ITGB5: variants seen among roughly 807,000 people sequenced by gnomAD.
ITGB5 encodes the protein integrin beta-5.
In ITGB5, 38 loss-of-function variants were observed where a neutral mutation model predicts 84.8. The ratio of observed to expected loss-of-function variants is 0.45; its 90% CI spans 0.35 to 0.59. The LOEUF (loss-of-function observed/expected upper bound fraction) is 0.59, where lower values mean the gene tolerates loss of function less well. Among genes scored for constraint, ITGB5 ranks in the 20% least tolerant of loss-of-function variants. ITGB5 has a pLI of 0.01. For synonymous variants in ITGB5, 393 were observed against 414.4 expected (o/e 0.95, Z 0.63); for missense variants, 905 against 1,034.5 (o/e 0.87, Z 1.72).
At chr3:124,778,987 T>C (rs545329562) in intron 10 of ITGB5, among the ~76,000 whole-genome samples, 1 of 152,280 alleles carries the variant, frequency 6.6e-6, no homozygotes, top group African/African-American at 2.4e-5. Flanking sequence ...GTCCCTAAAC[T>C]TCTCTGATGA....
At chr3:124,891,593 C>CAA (rs59385283), upstream of ITGB5, among the ~76,000 whole-genome samples, 11,976 of 103,514 alleles carry the variant, frequency 0.12, 972 homozygotes, top group African/African-American at 0.22. Context: ...ATAACTGCCT[C>CAA]AAAAAAAAAA....
rs1434201583 is a variant in ITGB5, at chr3:124,885,028, T to C, written c.70+1903A>G. ...GCTCATGCCTGTAATTGAAGCACTT[T>C]GGGAGGCCAAGGCAGTTAGATCACC... On this transcript the variant is annotated intron_variant, in intron 1 of 14. Coordinates refer to ENST00000296181, the MANE Select transcript of ITGB5 (RefSeq NM_002213.5). Among the ~76,000 whole-genome samples the C allele has an allele frequency of 2.0e-5, 3 of 152,342 alleles. No individual in the cohort carries two copies. The East Asian group carries it at 5.8e-4, about 29-fold the overall frequency.
At chr3:124,774,137 C>T (rs2063889179) in intron 10 of ITGB5, among the ~76,000 whole-genome samples, 1 of 152,198 alleles carries the variant, frequency 6.6e-6, no homozygotes, top group African/African-American at 2.4e-5. Flanking sequence ...ACTGGTGCTC[C>T]AAGTTGGTCC....
intron 3 of ITGB5, among the ~76,000 whole-genome samples, chr3:124,858,064 G>A (rs927717200): frequency 1.3e-5 from 2 of 151,172 alleles, no homozygotes; most frequent in Non-Finnish European, 1.5e-5. Context: ...AACCCGGGAG[G>A]TGAAGGTTGC....
At position 124,859,379 on chromosome 3, in the gene ITGB5, C is replaced by A; in HGVS notation, c.224G>T (p.Cys75Phe). The stretch of plus-strand genomic sequence containing the variant: ...GGCTGGGCTCTCTATCTCACCTCCA[C>A]AGCCATTTTTGACAAGGTTTGCCCT... ...DLRANLVKNG[C>F]GGEIESPASS... The change falls in exon 3 of 15, where the codon TGT becomes TTT. Residue 75 changes from cysteine to phenylalanine, a missense_variant. By Grantham distance (205) the Cys-to-Phe change is radical. Around this residue, in one of 3 missense-constraint regions of ITGB5, gnomAD observed 656 missense variants for 734.7 expected, o/e 0.89. Coordinates refer to ENST00000296181, the MANE Select transcript of ITGB5 (RefSeq NM_002213.5). 6.2e-7 allele frequency: 1 copy of A among 1,614,184 alleles called. No homozygotes were observed. Among genetic ancestry groups the A allele is most frequent in the Non-Finnish European group, 8.5e-7 (1 of 1,180,042 alleles).
At chr3:124,777,894 A>T (rs947696190) in intron 10 of ITGB5, among the ~76,000 whole-genome samples, 1 of 152,118 alleles carries the variant, frequency 6.6e-6, no homozygotes, top group Non-Finnish European at 1.5e-5. Flanking sequence ...GTGCTCAGAG[A>T]TTGCCTGCAT....
chr3:124,776,049 G>A (rs762996126), intron 10 of ITGB5, among the ~76,000 whole-genome samples: 1 of 152,234 alleles, frequency 6.6e-6, no homozygotes, highest in Non-Finnish European at 1.5e-5. Flanking sequence ...AAGCCCTCCA[G>A]GAGAGGGAAG....
chr3:124,770,589 G>GT (rs1420872934), intron 11 of ITGB5, among the ~76,000 whole-genome samples: 1 of 152,188 alleles, frequency 6.6e-6, no homozygotes, highest in African/African-American at 2.4e-5. Flanking sequence ...CGGGAGCTCT[G>GT]AGACCATTTC....
intron 10 of ITGB5, among the ~76,000 whole-genome samples, chr3:124,777,863 C>T (rs1480025531): frequency 6.6e-6 from 1 of 152,240 alleles, no homozygotes; most frequent in Non-Finnish European, 1.5e-5. Flanking sequence ...TGAGCCTCAA[C>T]CTGCCTTTCC....
At chr3:124,798,017 T>C (rs1038349831) in intron 9 of ITGB5, among the ~76,000 whole-genome samples, 9 of 151,666 alleles carry the variant, frequency 5.9e-5, no homozygotes, top group African/African-American at 2.2e-4. Flanking sequence ...CTTTCAGCTA[T>C]TACTATTCTT....
intron 12 of ITGB5, 141 bp from the exon 13 acceptor site, chr3:124,766,486 C>T: frequency 1.0e-6 from 1 of 986,730 alleles, no homozygotes; most frequent in Non-Finnish European, 1.5e-6. Context: ...GAGGCTGGGC[C>T]TTTGAAGATG....
rs143891563 is a variant in ITGB5 at position 124,858,729 on chromosome 3, C to A, written c.361+513G>T. Among the ~76,000 whole-genome samples, 14 of 152,156 alleles carry A rather than the reference C, an allele frequency of 9.2e-5. No homozygotes were observed. In the East Asian group the frequency reaches 2.7e-3, roughly 29 times the overall value. On this transcript the variant is annotated intron_variant, in intron 3 of 14. Transcript: ENST00000296181. ...AAAGTAGAGTAGGCAGCCACTACAC[C>A]CTGAATGACTGTAATTTCTGCCATC...
intron 2 of ITGB5, among the ~76,000 whole-genome samples, chr3:124,872,973 G>T (rs913232781): frequency 1.3e-5 from 2 of 152,130 alleles, no homozygotes; most frequent in Non-Finnish European, 2.9e-5. Flanking sequence ...AAGGCTTAAA[G>T]AAATGGCAGC....
chr3:124,803,554 G>C (rs2064348416), intron 9 of ITGB5, among the ~76,000 whole-genome samples: 1 of 152,218 alleles, frequency 6.6e-6, no homozygotes, highest in Admixed American at 6.5e-5. Flanking sequence ...TGATGAGCGA[G>C]ATGACCTGGT....
intron 10 of ITGB5, among the ~76,000 whole-genome samples, chr3:124,777,419 C>G (rs2063941362): frequency 2.0e-5 from 3 of 152,212 alleles, no homozygotes; most frequent in Non-Finnish European, 4.4e-5. Context: ...CCCTAGCCAG[C>G]CAAACCAGAA....
intron 3 of ITGB5, among the ~76,000 whole-genome samples, chr3:124,851,902 G>T: frequency 6.6e-6 from 1 of 152,162 alleles, no homozygotes; most frequent in South Asian, 2.1e-4. Flanking sequence ...AGCTTCCAGT[G>T]TACCAACAAC....
intron 9 of ITGB5, among the ~76,000 whole-genome samples, chr3:124,802,554 T>C (rs982662160): frequency 3.3e-5 from 5 of 152,254 alleles, no homozygotes; most frequent in Admixed American, 2.6e-4. Context: ...CCCTGGTGTA[T>C]GCCTGTGCAG....
At position 124,763,316 on chromosome 3, in the gene ITGB5, C is replaced by T. The variant is rs1398132271; in HGVS notation, c.*307G>A. The T allele has an allele frequency of 8.3e-6, 2 of 239,880 alleles. No individual in the cohort carries two copies. Among genetic ancestry groups the T allele is most frequent in the Non-Finnish European group, 1.6e-5 (2 of 122,570 alleles). 14.9% of individuals were successfully genotyped at this position (239,880 alleles called of 1,614,324 possible). On this transcript the variant is annotated 3_prime_UTR_variant, in exon 15 of 15. Transcript: ENST00000296181. ...CAGCATTCCTGGAAGGGAGAGACAG[C>T]CCAGCATCTCAGTATTTCATTGGGA...
At chr3:124,861,495 T>TATATATATACACACAC (rs750712591) in intron 2 of ITGB5, among the ~76,000 whole-genome samples, 2 of 111,992 alleles carry the variant, frequency 1.8e-5, no homozygotes, top group African/African-American at 7.5e-5. Flanking sequence ...TATATATATA[T>TATATATATACACACAC]ACACACACAC....
Sources: allele counts gnomAD v4.1 joint callset (sites outside exome capture counted in the v4.1 genomes callset), GRCh38; gene constraint gnomAD v4.1.1; regional missense constraint gnomAD v4.1.1; transcripts MANE v1.5; gene names NCBI Gene and HGNC (gene_info 2026-07-23, HGNC 2026-07-21).